DNAH8: variants seen among roughly 807,000 people sequenced by gnomAD.
DNAH8 encodes the protein dynein axonemal heavy chain 8.
DNAH8 carries 382 observed loss-of-function variants against 562.1 expected under a neutral mutation model. That is an observed-to-expected ratio of 0.68 (90% CI 0.63 to 0.74). DNAH8 has a LOEUF of 0.74. Ranked by LOEUF, DNAH8 falls within the 30% of genes least tolerant of loss-of-function variation. DNAH8 has a pLI of 0.00. For missense variants in DNAH8, 5,203 were observed against 5,620.4 expected (o/e 0.93, Z 2.37); for synonymous variants, 1,881 against 1,919.4 (o/e 0.98, Z 0.52).
intron 64 of DNAH8, among the ~76,000 whole-genome samples, chr6:38,909,059 C>T (rs561333989): frequency 1.4e-4 from 22 of 152,252 alleles, no homozygotes; most frequent in African/African-American, 4.6e-4. Context: ...AATTTTGTCT[C>T]TGTACTTTTC....
intron 62 of DNAH8, among the ~76,000 whole-genome samples, chr6:38,903,762 C>T (rs543159963): frequency 6.6e-6 from 1 of 152,034 alleles, no homozygotes; most frequent in East Asian, 1.9e-4. Flanking sequence ...CAGGCGAGCA[C>T]CACCACGCCT....
intron 82 of DNAH8, among the ~76,000 whole-genome samples, chr6:38,954,713 A>T (rs1561910464): frequency 8.2e-4 from 1 of 1,224 alleles, no homozygotes; most frequent in Admixed American, 6.4e-3. Context: ...AAAAAAAAAA[A>T]AAAAAAAAAA....
Position 38,931,983 on chromosome 6 carries a change from CAG to C in DNAH8, c.11451_11452del (p.Lys3818ThrfsTer6). 6.3e-7 allele frequency: 1 copy of C among 1,585,392 alleles called. No individual in the cohort carries two copies. The highest frequency in any genetic ancestry group is 1.4e-5 in the African/African-American group (1 of 73,570). On this transcript the variant is annotated frameshift_variant, in exon 76 of 93. Coordinates refer to ENST00000327475, the MANE Select transcript of DNAH8 (RefSeq NM_001206927.2). LOFTEE classifies it high-confidence loss of function. ...CAGTTACTAAGGAGAGTCATTCTAA[CAG>C]AGAAACAGGTAATCTCTCTCTCAAG...
chr6:38,832,293 C>A, intron 30 of DNAH8, 29 bp from the exon 31 acceptor site: 1 of 1,421,806 alleles, frequency 7.0e-7, no homozygotes, highest in Non-Finnish European at 9.9e-7. Context: ...TACTTTCACT[C>A]TCAGGTTGAA....
intron 11 of DNAH8, among the ~76,000 whole-genome samples, chr6:38,768,033 A>T (rs947338738): frequency 1.3e-5 from 2 of 151,930 alleles, no homozygotes; most frequent in South Asian, 2.1e-4. Flanking sequence ...TGTTGTTTTG[A>T]TTTGCTTTCC....
intron 56 of DNAH8, among the ~76,000 whole-genome samples, chr6:38,886,363 C>T (rs1037785952): frequency 1.3e-5 from 2 of 152,122 alleles, no homozygotes; most frequent in African/African-American, 4.8e-5. Context: ...ATAAAACCAA[C>T]AACCAAAACA....
At chr6:38,861,965 T>TTTTC (rs397717949) in intron 43 of DNAH8, among the ~76,000 whole-genome samples, 1 of 151,772 alleles carries the variant, frequency 6.6e-6, no homozygotes, top group African/African-American at 2.4e-5. Context: ...TTTTTTTTTT[T>TTTTC]CTGGAGAGCC....
Position 38,949,563 on chromosome 6 carries a change from C to T in DNAH8, c.12241C>T (p.Leu4081Phe), listed in dbSNP as rs1761715400. ...ACTAGATACCTGCCATAAACTTTTA[C>T]TTATCAGGTGAGAACAGGCATTATC... The part of the protein sequence containing the change: ...DSLDTCHKLL[L>F]IRSWCPDRTV... Residue 4081 changes from leucine (L) to phenylalanine (F), a missense_variant, in exon 81 of 93, where the codon CTT becomes TTT. Physicochemically the swap from Leu to Phe is conservative, Grantham distance 22. Around this residue, in one of 6 missense-constraint regions of DNAH8, gnomAD observed 1,399 missense variants for 1,518.4 expected, o/e 0.92. Transcript: ENST00000327475. 6.4e-7 allele frequency: 1 copy of T among 1,569,664 alleles called. No individual in the cohort carries two copies. The highest frequency in any genetic ancestry group is 8.8e-7 in the Non-Finnish European group (1 of 1,139,714).
intron 10 of DNAH8, among the ~76,000 whole-genome samples, chr6:38,760,553 T>G (rs545413923): frequency 6.6e-6 from 1 of 152,288 alleles, no homozygotes; most frequent in African/African-American, 2.4e-5. Flanking sequence ...ACAGTCCTCT[T>G]TTGCCTGGGA....
At chr6:38,939,039 A>G (rs1029617867) in intron 79 of DNAH8, 51 bp downstream of exon 79, 2 of 1,444,496 alleles carry the variant, frequency 1.4e-6, no homozygotes, top group Non-Finnish European at 1.9e-6. Context: ...TGCTTTTGAT[A>G]TGCTCTTTGA....
chr6:38,921,353 GTCT>G lies in DNAH8; in HGVS notation c.10525-8_10525-6del, dbSNP rs748043587. 9.1e-5 allele frequency: 146 copies of G among 1,610,674 alleles called. No individual in the cohort carries two copies. Among genetic ancestry groups the G allele is most frequent in the South Asian group, 6.4e-4 (58 of 90,310 alleles). ...TTCATGCAGCTAATACACTAACCACGTCTTCTTCTTTTCAGGCCAACCTGGCCA... is the reference window on the plus strand; with the variant it reads ...TTCATGCAGCTAATACACTAACCACGTCTTCTTTTCAGGCCAACCTGGCCA... On this transcript the variant is annotated splice_polypyrimidine_tract_variant and intron_variant, in intron 70 of 92. Transcript: ENST00000327475.
intron 82 of DNAH8, among the ~76,000 whole-genome samples, chr6:38,970,130 C>T (rs1312151748): frequency 6.6e-6 from 1 of 152,140 alleles, no homozygotes; most frequent in African/African-American, 2.4e-5. Context: ...CTAGACCTTC[C>T]TTGTAGAAGG....
chr6:38,870,655 T>C, intron 49 of DNAH8, 93 bp downstream of exon 49: 1 of 1,259,788 alleles, frequency 7.9e-7, no homozygotes, highest in Non-Finnish European at 1.1e-6. Flanking sequence ...TCTTACTTGA[T>C]GTAAATGTTA....
chr6:38,715,950 A>ATT (rs70981580), intron 1 of DNAH8, among the ~76,000 whole-genome samples: 1 of 31,252 alleles, frequency 3.2e-5, no homozygotes, highest in African/African-American at 1.8e-4. Context: ...ATATATATAT[A>ATT]TATATATATA....
chr6:38,860,727 T>A lies in DNAH8; in HGVS notation c.6131+98T>A, dbSNP rs536556584. ...AAATATTAACAAAAGCAGATTTCTG[T>A]CATGCTGGGTAGATGCTAGCTCATT... is the stretch of plus-strand genomic sequence containing the variant. On this transcript the variant is annotated intron_variant, in intron 43 of 92. Coordinates refer to ENST00000327475, the MANE Select transcript of DNAH8 (RefSeq NM_001206927.2). 6.4e-5 allele frequency: 57 copies of A among 886,204 alleles called. No homozygotes were observed. In the African/African-American group the frequency reaches 9.2e-4, roughly 14 times the overall value. 54.9% of individuals were successfully genotyped at this position (886,204 alleles called of 1,614,324 possible).
intron 91 of DNAH8, among the ~76,000 whole-genome samples, chr6:39,015,104 T>A (rs1338454547): frequency 6.6e-6 from 1 of 152,108 alleles, no homozygotes; most frequent in Non-Finnish European, 1.5e-5. Flanking sequence ...TGGAGAGGTA[T>A]GTTGGCAGAC....
intron 91 of DNAH8, among the ~76,000 whole-genome samples, chr6:39,021,947 T>G (rs1450015696): frequency 6.6e-6 from 1 of 152,268 alleles, no homozygotes; most frequent in African/African-American, 2.4e-5. Context: ...TCTTCAGCTT[T>G]CTTTAAGCCA....
intron 68 of DNAH8, among the ~76,000 whole-genome samples, chr6:38,915,948 C>G (rs1781284862): frequency 6.6e-6 from 1 of 151,986 alleles, no homozygotes; most frequent in African/African-American, 2.4e-5. Context: ...TTACACACTG[C>G]TAATACACAC....
chr6:38,907,863 A>G, intron 63 of DNAH8, 93 bp from the exon 64 acceptor site: 3 of 1,067,778 alleles, frequency 2.8e-6, no homozygotes, highest in South Asian at 2.5e-5. Flanking sequence ...AAACAAGATG[A>G]CATGCAAATT....
Sources: gnomAD v4.1 joint callset for allele counts (sites outside exome capture counted in the v4.1 genomes callset) on GRCh38, gnomAD v4.1.1 for gene constraint, gnomAD v4.1.1 regional missense constraint, MANE v1.5 for transcripts, NCBI Gene and HGNC (gene_info 2026-07-23, HGNC 2026-07-21) for gene names.